Variants in GNA12 observed in about 807,000 individuals in gnomAD.
GNA12 encodes G protein subunit alpha 12.
In GNA12, 9 loss-of-function variants were observed where a neutral mutation model predicts 26.0. The ratio of observed to expected loss-of-function variants is 0.35; its 90% confidence interval spans 0.21 to 0.60. GNA12 has a LOEUF of 0.60. GNA12 is among the 20% of genes least tolerant of loss of function. The pLI is 0.78. For missense variants in GNA12, 405 were observed against 525.8 expected, an observed-to-expected ratio of 0.77 and a Z score of 2.25; for synonymous variants, 264 against 219.6, an observed-to-expected ratio of 1.20 and a Z score of -1.79.
chr7:2,800,716 C>A (rs1314197183), intron 1 of GNA12, among the ~76,000 whole-genome samples: 1 of 152,176 alleles, frequency 6.6e-6, no homozygotes, highest in Non-Finnish European at 1.5e-5. Flanking sequence ...TGGAGGTGGG[C>A]CTCAGACGGA....
At chr7:2,828,932 G>T (rs1207596798) in intron 1 of GNA12, among the ~76,000 whole-genome samples, 1 of 152,112 alleles carries the variant, frequency 6.6e-6, no homozygotes, top group Admixed American at 6.5e-5. Context: ...AGTGAGCCAG[G>T]TGTGGTGGTG....
At chr7:2,743,173 C>G (rs1324680485) in intron 2 of GNA12, among the ~76,000 whole-genome samples, 1 of 152,162 alleles carries the variant, frequency 6.6e-6, no homozygotes, top group African/African-American at 2.4e-5. Context: ...TGGCTGGCCC[C>G]TGAACCGTAT....
intron 1 of GNA12, among the ~76,000 whole-genome samples, chr7:2,831,390 T>C (rs1364009749): frequency 1.3e-5 from 2 of 149,712 alleles, no homozygotes; most frequent in African/African-American, 4.9e-5. Context: ...ACTAAAATTA[T>C]GGAACTTCAC....
intron 2 of GNA12, among the ~76,000 whole-genome samples, chr7:2,768,867 G>C (rs185344397): frequency 2.5e-3 from 382 of 152,234 alleles, no homozygotes; most frequent in Non-Finnish European, 4.0e-3. Context: ...ATATAAATGG[G>C]ATAAACTACT....
At chr7:2,762,964 C>T in intron 2 of GNA12, 1 of 1,359,390 alleles carries the variant, frequency 7.4e-7, no homozygotes, top group Non-Finnish European at 9.5e-7. Context: ...CCAGGGTCTC[C>T]TGCTCCTCAG....
rs567985347 is a variant in GNA12 at position 2,767,344 on chromosome 7, T to C, written c.525+27584A>G. On this transcript the variant is annotated intron_variant, in intron 2 of 3. Transcript: ENST00000275364. The stretch of plus-strand genomic sequence containing the variant: ...GTATCTTGAAGCTTTCCCTCTATGT[T>C]TTCTTCTAGGAGTTTTAGTTTTCGT... 1.1e-4 allele frequency among the ~76,000 whole-genome samples: 16 copies of C among 152,350 alleles called. No homozygotes were observed. In the South Asian group the frequency reaches 3.1e-3, roughly 30 times the overall value.
intron 2 of GNA12, among the ~76,000 whole-genome samples, chr7:2,744,787 T>C (rs895548900): frequency 6.6e-6 from 1 of 151,840 alleles, no homozygotes; most frequent in Non-Finnish European, 1.5e-5. Context: ...ATTAGACAAA[T>C]GGATAACTAG....
At chr7:2,733,610 AT>A in intron 2 of GNA12, 109 bp from the exon 3 acceptor site, 1 of 789,458 alleles carries the variant, frequency 1.3e-6, no homozygotes, top group Non-Finnish European at 2.2e-6. Context: ...CTCCGTGTGA[AT>A]GGGAAAGCAA....
chr7:2,811,168 G>A (rs1368893508), intron 1 of GNA12, among the ~76,000 whole-genome samples: 2 of 152,308 alleles, frequency 1.3e-5, no homozygotes, highest in African/African-American at 2.4e-5. Flanking sequence ...CTGTGCACAC[G>A]TGGGCTCCAG....
intron 1 of GNA12, among the ~76,000 whole-genome samples, chr7:2,830,441 C>T (rs1021220211): frequency 9.9e-5 from 15 of 152,144 alleles, no homozygotes; most frequent in Non-Finnish European, 1.3e-4. Context: ...GTGGGACAAA[C>T]GCAGGGGAGG....
intron 1 of GNA12, among the ~76,000 whole-genome samples, chr7:2,828,661 A>G (rs145208142): frequency 2.6e-5 from 4 of 152,368 alleles, no homozygotes; most frequent in Non-Finnish European, 4.4e-5. Context: ...AGGGAAAACA[A>G]AACTATTCCT....
intron 2 of GNA12, among the ~76,000 whole-genome samples, chr7:2,769,525 T>C (rs1426132027): frequency 2.0e-5 from 3 of 151,838 alleles, no homozygotes; most frequent in South Asian, 2.1e-4. Context: ...GGTCAGGAGA[T>C]TGAGACCATC....
chr7:2,736,996 G>A lies in GNA12; in HGVS notation c.526-3495C>T, dbSNP rs187410514. Among the ~76,000 whole-genome samples the A allele has an allele frequency of 1.4e-4, 22 of 152,266 alleles. 1 individual carries two copies. Among genetic ancestry groups the A allele is most frequent in the Admixed American group, 1.4e-3 (22 of 15,278 alleles). On this transcript the variant is annotated intron_variant, in intron 2 of 3. Transcript: ENST00000275364. The stretch of plus-strand genomic sequence containing the variant: ...CCCTCTTGTCCTCTGCTCCTAATTG[G>A]AGCCTTTCTACCCACATGCTTGGTT...
intron 2 of GNA12, among the ~76,000 whole-genome samples, chr7:2,741,737 T>C (rs1170027958): frequency 6.6e-6 from 1 of 151,914 alleles, no homozygotes; most frequent in Non-Finnish European, 1.5e-5. Flanking sequence ...GAGCAAGTTG[T>C]TTACCCCTAA....
chr7:2,814,879 G>A (rs761755558), intron 1 of GNA12: 29 of 1,602,088 alleles, frequency 1.8e-5, no homozygotes, highest in Admixed American at 5.1e-5. Flanking sequence ...TCACTCACAC[G>A]ACTGCCAGGC....
Position 2,729,522 on chromosome 7 carries a change from G to GATGAGAAC in GNA12, c.*1651_*1658dup, listed in dbSNP as rs1789778970. 1 of 152,388 alleles carries GATGAGAAC rather than the reference G, an allele frequency of 6.6e-6. No individual in the cohort carries two copies. Among genetic ancestry groups the GATGAGAAC allele is most frequent in the South Asian group, 2.1e-4 (1 of 4,830 alleles). 9.4% of individuals were successfully genotyped at this position (152,388 alleles called of 1,614,324 possible). On this transcript the variant is annotated 3_prime_UTR_variant, in exon 4 of 4. Transcript: ENST00000275364. ...GAGAGAGAGTTCCATGCTGTCTCCC[G>GATGAGAAC]ATGAGAACGCTGTGCTAACAGGGTG...
At chr7:2,749,040 G>A (rs898384444) in intron 2 of GNA12, among the ~76,000 whole-genome samples, 2 of 152,154 alleles carry the variant, frequency 1.3e-5, no homozygotes, top group African/African-American at 2.4e-5. Context: ...TGGAGAAATA[G>A]GAACACTTTT....
At chr7:2,770,720 G>A (rs1301104473) in intron 2 of GNA12, among the ~76,000 whole-genome samples, 2 of 152,142 alleles carry the variant, frequency 1.3e-5, no homozygotes, top group Non-Finnish European at 2.9e-5. Context: ...AAGCAACATG[G>A]ATGCTTCACT....
intron 2 of GNA12, among the ~76,000 whole-genome samples, chr7:2,741,388 TA>T (rs1347239423): frequency 6.6e-6 from 1 of 151,994 alleles, no homozygotes; most frequent in African/African-American, 2.4e-5. Context: ...ATAACAGGGC[TA>T]GGGGTGGGGA....
Sources: gnomAD v4.1 joint callset for allele counts (sites outside exome capture counted in the v4.1 genomes callset) on GRCh38, gnomAD v4.1.1 for gene constraint, MANE v1.5 for transcripts, NCBI Gene and HGNC (gene_info 2026-07-23, HGNC 2026-07-21) for gene names.